PTH1R: variants seen among roughly 807,000 people sequenced by gnomAD.
PTH1R encodes the protein parathyroid hormone 1 receptor.
PTH1R carries 32 observed loss-of-function variants against 70.7 expected under a neutral mutation model. The observed-to-expected ratio is 0.45, with a 90% CI of 0.34 to 0.61. The LOEUF is 0.61. PTH1R is among the 20% of genes least tolerant of loss of function. PTH1R has a pLI of 0.01. For synonymous variants in PTH1R, 329 were observed against 324.8 expected (o/e 1.01, Z -0.14); for missense variants, 626 against 792.5 (o/e 0.79, Z 2.52).
Position 46,901,961 on chromosome 3 carries a change from G to GCC in PTH1R, c.1211+102_1211+103insCC. The GCC allele has an allele frequency of 8.0e-7, 1 of 1,256,678 alleles. No individual in the cohort carries two copies. Among genetic ancestry groups the GCC allele is most frequent in the Non-Finnish European group, 1.1e-6 (1 of 876,654 alleles). The allele number at this position is 1,256,678 out of a possible 1,614,324, so 77.8% of individuals were successfully genotyped here. The stretch of plus-strand genomic sequence containing the variant: ...CAGTGGCCCCATGAATGATCCTGGG[G>GCC]CAAGGGAAAGGACCCAGCGTCTGAC... On this transcript the variant is annotated intron_variant, in intron 13 of 15. Transcript: ENST00000449590. This position sits in a 1 kb window ranked among gnomAD's most constrained non-coding sequence, Gnocchi z 7.3.
At chr3:46,900,571 T>C (rs1384296600) in intron 10 of PTH1R, among the ~76,000 whole-genome samples, 1 of 151,776 alleles carries the variant, frequency 6.6e-6, no homozygotes, top group Non-Finnish European at 1.5e-5. Flanking sequence ...ACAAAACCTC[T>C]CACCCCATCC....
At position 46,901,423 on chromosome 3, in the gene PTH1R, C is replaced by T; in HGVS notation, c.1059C>T (p.Asp353=). ...CCTCAACCTCCCCCAGGTGCTGGGA[C>T]TTGAGCTCCGGGAACAAAAAGTGGA... ...RATLANTGCW[D]LSSGNKKWII... The change falls in exon 12 of 16, where the codon GAC becomes GAT. Residue 353 remains aspartate (D), a synonymous_variant. Transcript: ENST00000449590. The surrounding 1 kb of genome is among the most constrained non-coding windows in gnomAD (Gnocchi z 7.3). The T allele has an allele frequency of 6.4e-7, 1 of 1,573,280 alleles. No homozygotes were observed. The highest frequency in any genetic ancestry group is 8.6e-7 in the Non-Finnish European group (1 of 1,158,572).
intron 10 of PTH1R, 44 bp from the exon 11 acceptor site, chr3:46,900,981 A>G (rs776902437): frequency 6.4e-6 from 10 of 1,555,658 alleles, no homozygotes; most frequent in Non-Finnish European, 7.8e-6. Context: ...GACCTTGTGG[A>G]CAGCAGCCAC....
chr3:46,902,916 A>AGCAGGGTG lies in PTH1R; in HGVS notation c.1395+126_1395+127insGCAGGGTG, dbSNP rs1454758011. 1 of 1,376,360 alleles carries AGCAGGGTG rather than the reference A, an allele frequency of 7.3e-7. No individual in the cohort carries two copies. The highest frequency in any genetic ancestry group is 1.2e-5 in the South Asian group (1 of 85,396). The allele number at this position is 1,376,360 out of a possible 1,614,324, so 85.3% of individuals were successfully genotyped here. On this transcript the variant is annotated intron_variant, in intron 15 of 15. Transcript: ENST00000449590. This position sits in a 1 kb window ranked among gnomAD's most constrained non-coding sequence, Gnocchi z 5.4. ...TTCCTCCAAGAACACCCCTGAGGACATTCTGAAAGCAGAGAAGTCTTTCCA... is the reference window on the plus strand; with the variant it reads ...TTCCTCCAAGAACACCCCTGAGGACAGCAGGGTGTTCTGAAAGCAGAGAAGTCTTTCCA...
At chr3:46,894,327 G>A (rs1020832711) in intron 4 of PTH1R, among the ~76,000 whole-genome samples, 24 of 152,256 alleles carry the variant, frequency 1.6e-4, no homozygotes, top group Non-Finnish European at 3.2e-4. Flanking sequence ...GAGAGGAGCC[G>A]CTTCCTCCCC....
At position 46,902,472 on chromosome 3, in the gene PTH1R, T is replaced by C. The variant is rs2032183499; in HGVS notation, c.1212-54T>C. On this transcript the variant is annotated intron_variant, in intron 13 of 15. Transcript: ENST00000449590. The surrounding 1 kb of genome is among the most constrained non-coding windows in gnomAD (Gnocchi z 5.4). ...GCTCGCAGGGTGGGGGGTGGCACAA[T>C]GCTTGTTGAAGGGGAAGTGGCTTGG... The C allele has an allele frequency of 1.9e-6, 3 of 1,599,366 alleles. No individual in the cohort carries two copies. Among genetic ancestry groups the C allele is most frequent in the Non-Finnish European group, 8.5e-7 (1 of 1,173,976 alleles).
intron 10 of PTH1R, 71 bp from the exon 11 acceptor site, chr3:46,900,954 G>A (rs143620421): frequency 1.7e-5 from 26 of 1,506,362 alleles, no homozygotes; most frequent in Non-Finnish European, 2.2e-5. Context: ...GGGGGTCATC[G>A]AGGATGAGGG....
intron 3 of PTH1R, among the ~76,000 whole-genome samples, chr3:46,889,262 A>T (rs1468392839): frequency 6.6e-6 from 1 of 152,212 alleles, no homozygotes; most frequent in East Asian, 1.9e-4. Context: ...ACAGCTGGGG[A>T]CAAGCCGCCA....
Position 46,903,264 on chromosome 3 carries a change from C to G in PTH1R, c.1396-6C>G, listed in dbSNP as rs766848869. 3.1e-6 allele frequency: 5 copies of G among 1,612,486 alleles called. No individual in the cohort carries two copies. The highest frequency in any genetic ancestry group is 3.4e-6 in the Non-Finnish European group (4 of 1,179,946). ...CACCTGACTGCCGCACCCTTACTGCCCCAAGGTACAAGCTGAGATCAAGAA... is the reference window on the plus strand; with the variant it reads ...CACCTGACTGCCGCACCCTTACTGCGCCAAGGTACAAGCTGAGATCAAGAA... On this transcript the variant is annotated splice_polypyrimidine_tract_variant and splice_region_variant and intron_variant, in intron 15 of 15. Coordinates refer to ENST00000449590, the MANE Select transcript of PTH1R (RefSeq NM_000316.3). This position sits in a 1 kb window ranked among gnomAD's most constrained non-coding sequence, Gnocchi z 4.4.
intron 9 of PTH1R, 51 bp downstream of exon 9, chr3:46,898,908 GGCCCCGCCCC>G: frequency 7.6e-7 from 1 of 1,307,754 alleles, no homozygotes; most frequent in Admixed American, 2.9e-5. Context: ...GGCCTCGTGG[GGCCCCGCCCC>G]GCCCCGCTCC....
chr3:46,900,055 T>C (rs1184948494), intron 10 of PTH1R, among the ~76,000 whole-genome samples: 1 of 152,194 alleles, frequency 6.6e-6, no homozygotes, highest in Non-Finnish European at 1.5e-5. Context: ...TCCATTATTG[T>C]TGGCAGCTGC....
rs369730883 is a variant in PTH1R, at chr3:46,901,718, C to T, written c.1117-48C>T. 21 of 1,577,158 alleles carry T rather than the reference C, an allele frequency of 1.3e-5. No homozygotes were observed. Among genetic ancestry groups the T allele is most frequent in the East Asian group, 9.0e-5 (4 of 44,668 alleles). The stretch of plus-strand genomic sequence containing the variant: ...TGGCCGTGGCTGCCAGGCCTTGCCC[C>T]GCCCCACTAGGGTGCAGCCTCCAGA... On this transcript the variant is annotated intron_variant, in intron 12 of 15. Transcript: ENST00000449590. The surrounding 1 kb of genome is among the most constrained non-coding windows in gnomAD (Gnocchi z 7.3).
intron 10 of PTH1R, among the ~76,000 whole-genome samples, chr3:46,900,824 G>A (rs1277427584): frequency 2.0e-5 from 3 of 152,144 alleles, no homozygotes. Flanking sequence ...GCTGAGCTGG[G>A]TTTTGAGGGC....
chr3:46,893,807 C>A lies in PTH1R; in HGVS notation c.76-100C>A, dbSNP rs1421937930. ...TCCCACCTTCCCTCTAGAGTCAGGG[C>A]CTTTTGAAAGGGGGTAGTCCCTCTG... On this transcript the variant is annotated intron_variant, in intron 3 of 15. Transcript: ENST00000449590. The surrounding 1 kb of genome is among the most constrained non-coding windows in gnomAD (Gnocchi z 5.2). The A allele has an allele frequency of 5.6e-6, 6 of 1,068,402 alleles. No individual in the cohort carries two copies. The highest frequency in any genetic ancestry group is 1.6e-5 in the African/African-American group (1 of 64,510). 66.2% of individuals were successfully genotyped at this position (1,068,402 alleles called of 1,614,324 possible). A position where few individuals can be genotyped will look rare whatever the true frequency, so the allele number is the denominator to read the frequency against.
At position 46,903,519 on chromosome 3, in the gene PTH1R, G is replaced by A. The variant is rs200667470; in HGVS notation, c.1645G>A (p.Glu549Lys). The change falls in exon 16 of 16, where the codon GAG (glutamate) becomes AAG (lysine). Residue 549 changes from glutamate (E) to lysine (K), a missense_variant. Glu to Lys is a moderately conservative substitution (Grantham distance 56). Around this residue, in one of 3 missense-constraint regions of PTH1R, gnomAD observed 495 missense variants for 638.7 expected, o/e 0.77. Transcript: ENST00000449590. This position sits in a 1 kb window ranked among gnomAD's most constrained non-coding sequence, Gnocchi z 4.4. The part of the protein sequence containing the change: ...KPGTPALETL[E>K]TTPPAMAAPK... ...AGGGACCCCAGCCCTGGAGACCCTC[G>A]AGACCACACCACCTGCCATGGCTGC... 175 of 1,613,892 alleles carry A rather than the reference G, an allele frequency of 1.1e-4. No individual in the cohort carries two copies. The South Asian group carries it at 1.6e-3, about 15-fold the overall frequency.
chr3:46,897,770 C>A, intron 5 of PTH1R, 85 bp from the exon 6 acceptor site: 1 of 1,224,242 alleles, frequency 8.2e-7, no homozygotes, highest in Non-Finnish European at 1.2e-6. Context: ...ACAAACAAAC[C>A]ACAGATGTAT....
rs2107058487 is a variant in PTH1R at position 46,901,699 on chromosome 3, T to C, written c.1117-67T>C. The C allele has an allele frequency of 2.6e-6, 4 of 1,517,238 alleles. No individual in the cohort carries two copies. In the East Asian group the frequency reaches 9.0e-5, roughly 34 times the overall value. 94.0% of individuals were successfully genotyped at this position (1,517,238 alleles called of 1,614,324 possible). A position where few individuals can be genotyped will look rare whatever the true frequency, so the allele number is the denominator to read the frequency against. On this transcript the variant is annotated intron_variant, in intron 12 of 15. Coordinates refer to ENST00000449590, the MANE Select transcript of PTH1R (RefSeq NM_000316.3). The surrounding 1 kb of genome is among the most constrained non-coding windows in gnomAD (Gnocchi z 7.3). ...AGTGACAGAGCAGAGCCTATGGCCG[T>C]GGCTGCCAGGCCTTGCCCCGCCCCA... is the stretch of plus-strand genomic sequence containing the variant.
At chr3:46,895,388 A>C (rs2031691016) in intron 4 of PTH1R, among the ~76,000 whole-genome samples, 1 of 152,100 alleles carries the variant, frequency 6.6e-6, no homozygotes, top group Non-Finnish European at 1.5e-5. Context: ...TGGGGCCTTC[A>C]CTGCTGCGTG....
intron 3 of PTH1R, among the ~76,000 whole-genome samples, chr3:46,888,679 C>G (rs575515834): frequency 2.0e-5 from 3 of 152,202 alleles, no homozygotes; most frequent in Non-Finnish European, 4.4e-5. Context: ...GTCTTATGCC[C>G]GAGGTGAGAC....
Sources: gnomAD v4.1 joint callset for allele counts (sites outside exome capture counted in the v4.1 genomes callset) on GRCh38, gnomAD v4.1.1 for gene constraint, gnomAD v4.1.1 regional missense constraint, Gnocchi (gnomAD v3.1) non-coding constraint, MANE v1.5 for transcripts, NCBI Gene and HGNC (gene_info 2026-07-23, HGNC 2026-07-21) for gene names.